The following LPP variants were observed in gnomAD, a reference collection of about 807,000 sequenced individuals.
LPP encodes the protein LIM domain containing preferred translocation partner in lipoma.
In LPP, 38 loss-of-function variants were observed where a neutral mutation model predicts 60.4. The observed-to-expected ratio is 0.63, with a 90% CI of 0.49 to 0.83. The LOEUF (loss-of-function observed/expected upper bound fraction) is 0.83, where lower values mean the gene tolerates loss of function less well. Ranked by LOEUF, LPP falls within the 40% of genes least tolerant of loss-of-function variation. The pLI is 0.00. For synonymous variants in LPP, 328 were observed against 290.8 expected (o/e 1.13, Z -1.30); for missense variants, 902 against 783.6 (o/e 1.15, Z -1.80).
intron 4 of LPP, among the ~76,000 whole-genome samples, chr3:188,416,844 A>C (rs920161994): frequency 2.0e-5 from 3 of 152,164 alleles, no homozygotes; most frequent in Non-Finnish European, 2.9e-5. Context: ...TTGGGTAGCA[A>C]TGCCTGAAAT....
At chr3:188,612,281 G>A (rs78556006) in intron 7 of LPP, among the ~76,000 whole-genome samples, 21,528 of 152,058 alleles carry the variant, frequency 0.14, 1,553 homozygotes, top group Non-Finnish European at 0.16. Flanking sequence ...ATGAAGTTAT[G>A]GATAAATTCT....
intron 7 of LPP, among the ~76,000 whole-genome samples, chr3:188,634,941 C>G (rs893908014): frequency 6.6e-6 from 1 of 152,030 alleles, no homozygotes; most frequent in Admixed American, 6.6e-5. Flanking sequence ...GTCCCTGATG[C>G]CAAAAAGGTT....
intron 2 of LPP, among the ~76,000 whole-genome samples, chr3:188,250,327 A>G (rs978464319): frequency 6.6e-6 from 1 of 152,118 alleles, no homozygotes; most frequent in African/African-American, 2.4e-5. Flanking sequence ...TGATTCAATT[A>G]TGCATTCCCT....
At chr3:188,678,708 T>G (rs1356093) in intron 7 of LPP, among the ~76,000 whole-genome samples, 150,794 of 152,330 alleles carry the variant, frequency 0.99, 74,647 homozygotes, top group East Asian at 1. Flanking sequence ...AATGGCCCAT[T>G]CGCTGTGTTG....
At chr3:188,454,427 C>G (rs1797275281) in intron 4 of LPP, among the ~76,000 whole-genome samples, 1 of 152,120 alleles carries the variant, frequency 6.6e-6, no homozygotes, top group South Asian at 2.1e-4. Flanking sequence ...CTGTTGTAGA[C>G]TTTAAATTTA....
chr3:188,297,587 A>G (rs973486566), intron 2 of LPP, among the ~76,000 whole-genome samples: 16 of 152,224 alleles, frequency 1.1e-4, no homozygotes, highest in African/African-American at 3.6e-4. Flanking sequence ...TCAGTAGTTT[A>G]TATAGTGATT....
chr3:188,364,338 A>G (rs1770471870), intron 3 of LPP, among the ~76,000 whole-genome samples: 1 of 152,138 alleles, frequency 6.6e-6, no homozygotes, highest in African/African-American at 2.4e-5. Context: ...TCTTTAATAG[A>G]GCCTTTCTTA....
intron 2 of LPP, among the ~76,000 whole-genome samples, chr3:188,259,923 T>G (rs1229896308): frequency 6.6e-6 from 1 of 151,658 alleles, no homozygotes; most frequent in Non-Finnish European, 1.5e-5. Context: ...TTAAATGACC[T>G]TCTTTTTTTT....
At chr3:188,831,096 T>C (rs1450965198) in intron 9 of LPP, among the ~76,000 whole-genome samples, 1 of 152,186 alleles carries the variant, frequency 6.6e-6, no homozygotes, top group East Asian at 1.9e-4. Context: ...GATTTCTCTA[T>C]CATTCTGCTA....
chr3:188,668,613 G>A (rs1576936113), intron 7 of LPP, among the ~76,000 whole-genome samples: 1 of 152,334 alleles, frequency 6.6e-6, no homozygotes, highest in African/African-American at 2.4e-5. Context: ...TTGAAAGTTA[G>A]ATCCTCAGGC....
chr3:188,291,566 A>G (rs1269290680), intron 2 of LPP, among the ~76,000 whole-genome samples: 1 of 151,056 alleles, frequency 6.6e-6, no homozygotes, highest in Admixed American at 6.6e-5. Context: ...TAATGGTGTG[A>G]ACCCAGGAGG....
rs746031790 is a variant in LPP at position 188,217,715 on chromosome 3, G to A, written c.-189-7690G>A. 1.1e-4 allele frequency among the ~76,000 whole-genome samples: 17 copies of A among 152,148 alleles called. No homozygotes were observed. Among genetic ancestry groups the A allele is most frequent in the Non-Finnish European group, 4.4e-5 (3 of 68,018 alleles). ...TGGGCAGGAATCTGGGATACTCAGA[G>A]GGAAATGAAAATAGGTGCCCTAGGG... On this transcript the variant is annotated intron_variant, in intron 1 of 11. Coordinates refer to ENST00000617246, the MANE Select transcript of LPP (RefSeq NM_001375462.1). The surrounding 1 kb of genome is among the most constrained non-coding windows in gnomAD (Gnocchi z 4.0).
At chr3:188,574,727 T>TG (rs1217106287) in intron 6 of LPP, among the ~76,000 whole-genome samples, 1 of 152,010 alleles carries the variant, frequency 6.6e-6, no homozygotes, top group Non-Finnish European at 1.5e-5. Flanking sequence ...GTGTGTGTTG[T>TG]GGGGGCTAAG....
chr3:188,522,530 A>G (rs972791437), intron 5 of LPP, among the ~76,000 whole-genome samples: 1 of 152,084 alleles, frequency 6.6e-6, no homozygotes, highest in Non-Finnish European at 1.5e-5. Flanking sequence ...ATACTTACTG[A>G]ACACTTATTT....
intron 6 of LPP, among the ~76,000 whole-genome samples, chr3:188,533,182 C>T (rs949107634): frequency 3.9e-5 from 6 of 152,144 alleles, no homozygotes; most frequent in Non-Finnish European, 8.8e-5. Flanking sequence ...TCTTGTGGTG[C>T]CCTGGATCTT....
At chr3:188,401,007 A>C (rs6802708) in intron 3 of LPP, among the ~76,000 whole-genome samples, 20,894 of 152,144 alleles carry the variant, frequency 0.14, 2,603 homozygotes, top group African/African-American at 0.33. Context: ...GAAAGAAAGC[A>C]CTCTAAAATA....
intron 10 of LPP, among the ~76,000 whole-genome samples, chr3:188,866,909 C>T (rs573592369): frequency 6.6e-6 from 1 of 152,318 alleles, no homozygotes; most frequent in East Asian, 1.9e-4. Flanking sequence ...AAGCCTCTCA[C>T]ATATTCAAAG....
chr3:188,550,924 G>A (rs1263790047), intron 6 of LPP, among the ~76,000 whole-genome samples: 1 of 152,134 alleles, frequency 6.6e-6, no homozygotes, highest in Non-Finnish European at 1.5e-5. Context: ...TTTTGGCAAA[G>A]AGTCTCCTTA....
At chr3:188,419,618 C>A (rs948496295) in intron 4 of LPP, among the ~76,000 whole-genome samples, 7 of 152,152 alleles carry the variant, frequency 4.6e-5, no homozygotes, top group African/African-American at 1.7e-4. Context: ...ATGCACTAGG[C>A]GTGGTGGCTC....
Sources: allele counts gnomAD v4.1 joint callset (sites outside exome capture counted in the v4.1 genomes callset), GRCh38; gene constraint gnomAD v4.1.1; non-coding constraint Gnocchi (gnomAD v3.1); transcripts MANE v1.5; gene names NCBI Gene and HGNC (gene_info 2026-07-23, HGNC 2026-07-21).